The following POSTN variants were observed in gnomAD, a reference collection of about 807,000 sequenced individuals.
POSTN encodes the protein periostin.
POSTN carries 71 observed loss-of-function variants against 104.5 expected under a neutral mutation model. The ratio of observed to expected loss-of-function variants is 0.68; its 90% CI spans 0.56 to 0.83. The LOEUF (loss-of-function observed/expected upper bound fraction) is 0.83. Ranked by LOEUF, POSTN falls within the 40% of genes least tolerant of loss-of-function variation. The pLI, the probability that POSTN is intolerant of heterozygous loss-of-function variation, is 0.00. For missense variants in POSTN, 949 were observed against 1,006.8 expected, an observed-to-expected ratio of 0.94 and a Z score of 0.78; for synonymous variants, 355 against 340.7, an observed-to-expected ratio of 1.04 and a Z score of -0.46.
intron 9 of POSTN, among the ~76,000 whole-genome samples, 199 bp from the exon 10 acceptor site, chr13:37,582,713 T>C (rs1217615078): frequency 6.6e-6 from 1 of 152,182 alleles, no homozygotes; most frequent in African/African-American, 2.4e-5. Flanking sequence ...TGACCTATTG[T>C]ATTAAATGAC....
In POSTN at chr13:37,597,183, C is replaced by A; in HGVS notation, c.218+1G>T. The A allele has an allele frequency of 1.3e-6, 2 of 1,531,730 alleles. No individual in the cohort carries two copies. Among genetic ancestry groups the A allele is most frequent in the Non-Finnish European group, 1.7e-6 (2 of 1,142,924 alleles). The allele number at this position is 1,531,730 out of a possible 1,614,324, so 94.9% of individuals were successfully genotyped here. A position where few individuals can be genotyped will look rare whatever the true frequency, so the allele number is the denominator to read the frequency against. The stretch of plus-strand genomic sequence containing the variant: ...TATTATGAAAAAAAAAAGAGACTTA[C>A]GTTTTCTGTCCACAGATGGACTTTT... On this transcript the variant is annotated splice_donor_variant, in intron 2 of 22. Transcript: ENST00000379747. LOFTEE classifies it high-confidence loss of function.
chr13:37,565,551 A>C (rs1950073143), intron 21 of POSTN: 1 of 152,074 alleles, frequency 6.6e-6, no homozygotes, highest in South Asian at 2.1e-4. Flanking sequence ...AGTTTTGGCT[A>C]TATGACACCA....
intron 18 of POSTN, chr13:37,571,065 CT>C: frequency 3.2e-6 from 1 of 307,704 alleles, no homozygotes; most frequent in Non-Finnish European, 6.0e-6. Flanking sequence ...CTAATATTTC[CT>C]TTTATACTGA....
intron 3 of POSTN, among the ~76,000 whole-genome samples, chr13:37,591,316 A>G (rs1401239029): frequency 6.6e-6 from 1 of 152,204 alleles, no homozygotes; most frequent in Non-Finnish European, 1.5e-5. Context: ...AATCAATTTT[A>G]ATTGATTCTA....
chr13:37,580,918 T>C (rs1950568127), intron 10 of POSTN, among the ~76,000 whole-genome samples: 1 of 152,172 alleles, frequency 6.6e-6, no homozygotes, highest in Non-Finnish European at 1.5e-5. Context: ...AGCTACCTTA[T>C]GGATCAGGCA....
intron 17 of POSTN, 94 bp downstream of exon 17, chr13:37,574,478 T>G: frequency 7.0e-7 from 1 of 1,424,780 alleles, no homozygotes. Context: ...TTTAACATGT[T>G]AGTTTTTAAA....
intron 6 of POSTN, 107 bp from the exon 7 acceptor site, chr13:37,586,387 G>C: frequency 8.5e-7 from 1 of 1,173,756 alleles, no homozygotes; most frequent in African/African-American, 1.5e-5. Flanking sequence ...CTACACTATA[G>C]AGGTTTGTTG....
chr13:37,569,861 G>A lies in POSTN; in HGVS notation c.2270-40C>T, dbSNP rs570453164. On this transcript the variant is annotated intron_variant, in intron 19 of 22. Transcript: ENST00000379747. The stretch of plus-strand genomic sequence containing the variant: ...ATGAAAAAGGTCTAAAACAGAAGTA[G>A]GCAAACTTCTTCTGCGAAGTGACAG... 5.2e-6 allele frequency: 7 copies of A among 1,339,768 alleles called. No individual in the cohort carries two copies. The Admixed American group carries it at 5.5e-5, about 10-fold the overall frequency. 83.0% of individuals were successfully genotyped at this position (1,339,768 alleles called of 1,614,324 possible).
At chr13:37,581,483 G>A (rs1012985815) in intron 10 of POSTN, among the ~76,000 whole-genome samples, 1 of 152,212 alleles carries the variant, frequency 6.6e-6, no homozygotes, top group African/African-American at 2.4e-5. Context: ...ACATTGGGAG[G>A]CCAAAGTAGG....
At position 37,587,872 on chromosome 13, in the gene POSTN, G is replaced by A. The variant is rs141439154; in HGVS notation, c.556C>T (p.Pro186Ser). 194 of 1,605,346 alleles carry A rather than the reference G, an allele frequency of 1.2e-4. No individual in the cohort carries two copies. In the African/African-American group the frequency reaches 2.2e-3, roughly 18 times the overall value. ...AGCCCCAAATTGTTATACATTGAAGGAATAATCATGCCATTTTTTAAGTCC... is the reference window on the plus strand; with the variant it reads ...AGCCCCAAATTGTTATACATTGAAGAAATAATCATGCCATTTTTTAAGTCC... ...TKDLKNGMIIPSMYNNLGLFI... is the reference protein window; with the variant it reads ...TKDLKNGMIISSMYNNLGLFI... The change falls in exon 5 of 23, where the codon CCT becomes TCT. Residue 186 changes from proline to serine, a missense_variant. Coordinates refer to ENST00000379747, the MANE Select transcript of POSTN (RefSeq NM_006475.3).
intron 1 of POSTN, 104 bp downstream of exon 1, chr13:37,598,504 G>A (rs924422215): frequency 1.7e-5 from 17 of 1,017,164 alleles, no homozygotes; most frequent in Non-Finnish European, 2.3e-5. Flanking sequence ...TAATAATTAG[G>A]AAAAAAAACC....
chr13:37,586,468 C>T (rs1222124345), intron 6 of POSTN, among the ~76,000 whole-genome samples, 188 bp from the exon 7 acceptor site: 2 of 152,126 alleles, frequency 1.3e-5, no homozygotes, highest in Non-Finnish European at 2.9e-5. Flanking sequence ...ATTGTGTTTG[C>T]AAGAATGGGA....
At chr13:37,569,146 C>A in intron 21 of POSTN, 154 bp downstream of exon 21, 2 of 560,296 alleles carry the variant, frequency 3.6e-6, no homozygotes. Context: ...CTATTAACTA[C>A]CATTGAACCA....
chr13:37,587,779 G>T, intron 5 of POSTN, 43 bp downstream of exon 5: 1 of 1,372,740 alleles, frequency 7.3e-7, no homozygotes, highest in Non-Finnish European at 1.0e-6. Context: ...CAAAATTAAA[G>T]AAGGTATTTT....
At chr13:37,565,647 C>T (rs1189725812) in intron 21 of POSTN, among the ~76,000 whole-genome samples, 1 of 151,836 alleles carries the variant, frequency 6.6e-6, no homozygotes, top group East Asian at 1.9e-4. Context: ...CATTTCTTTC[C>T]CCCCAGAATA....
chr13:37,588,127 A>G (rs1950807785), intron 4 of POSTN, 141 bp from the exon 5 acceptor site: 2 of 691,080 alleles, frequency 2.9e-6, no homozygotes, highest in Non-Finnish European at 4.8e-6. Flanking sequence ...ATAACTTAAA[A>G]TTATATTATT....
chr13:37,591,705 CAGA>C (rs1464552849), intron 3 of POSTN, among the ~76,000 whole-genome samples: 1 of 151,570 alleles, frequency 6.6e-6, no homozygotes, highest in African/African-American at 2.4e-5. Context: ...CTCTAGTTGG[CAGA>C]AGTAGAGGAA....
At chr13:37,587,614 T>C (rs1425180498) in intron 5 of POSTN, among the ~76,000 whole-genome samples, 2 of 152,336 alleles carry the variant, frequency 1.3e-5, no homozygotes, top group Admixed American at 1.3e-4. Flanking sequence ...GAACTGTTCA[T>C]GTAATTTGTC....
intron 4 of POSTN, 101 bp downstream of exon 4, chr13:37,590,271 A>G: frequency 1.1e-6 from 1 of 946,874 alleles, no homozygotes; most frequent in South Asian, 2.0e-5. Flanking sequence ...TGTACAATAG[A>G]AAGATATAAA....
Sources: allele counts gnomAD v4.1 joint callset (sites outside exome capture counted in the v4.1 genomes callset), GRCh38; gene constraint gnomAD v4.1.1; transcripts MANE v1.5; gene names NCBI Gene and HGNC (gene_info 2026-07-23, HGNC 2026-07-21).